Variants in TRIP12 observed in about 807,000 individuals in gnomAD.
TRIP12 encodes the protein thyroid hormone receptor interactor 12.
In TRIP12, 25 loss-of-function variants were observed where a neutral mutation model predicts 244.2. The ratio of observed to expected loss-of-function variants is 0.10; its 90% confidence interval spans 0.07 to 0.14. TRIP12 has a LOEUF of 0.14. Among genes scored for constraint, TRIP12 ranks in the 10% least tolerant of loss-of-function variants. The pLI is 1.00. For missense variants in TRIP12, 1,677 were observed against 2,486.4 expected, an observed-to-expected ratio of 0.67 and a Z score of 6.92; for synonymous variants, 905 against 873.1, an observed-to-expected ratio of 1.04 and a Z score of -0.64.
chr2:229,843,687 TCAA>T (rs2056991625), intron 4 of TRIP12, among the ~76,000 whole-genome samples: 1 of 152,118 alleles, frequency 6.6e-6, no homozygotes, highest in Non-Finnish European at 1.5e-5. Context: ...GAGACCAGCA[TCAA>T]CAACACTGTA....
intron 1 of TRIP12, among the ~76,000 whole-genome samples, chr2:229,907,740 C>T (rs1415197807): frequency 6.6e-6 from 1 of 151,960 alleles, no homozygotes; most frequent in African/African-American, 2.4e-5. Flanking sequence ...AAGTTCGAAG[C>T]TGCAGTGAGA....
chr2:229,922,597 C>T, upstream of TRIP12: 7 of 1,614,030 alleles, frequency 4.3e-6, no homozygotes, highest in Non-Finnish European at 4.2e-6. Flanking sequence ...AGTTACTGGT[C>T]ACCCGGTCTC....
chr2:229,831,873 TG>T (rs201052933), intron 6 of TRIP12, among the ~76,000 whole-genome samples: 10,174 of 135,168 alleles, frequency 0.075, 921 homozygotes, highest in African/African-American at 0.23. Context: ...AGGTTTTTTT[TG>T]TTTGTTTTTT....
rs376223742 is a variant in TRIP12 at position 229,859,267 on chromosome 2, T to G, written c.532A>C (p.Arg178=). The change falls in exon 4 of 42, where the codon AGG becomes CGG. Residue 178 remains arginine, a synonymous_variant. Transcript: ENST00000675903. ...QSPSTSKAHT[R]KSGATGGSRS... is the part of the protein sequence containing the mutation. ...GAACCGCCAGTGGCCCCACTCTTCC[T>G]GGTATGAGCCTTGCTTGTTGATGGT... 6.2e-7 allele frequency: 1 copy of G among 1,614,132 alleles called. No individual in the cohort carries two copies. The highest frequency in any genetic ancestry group is 1.3e-5 in the African/African-American group (1 of 74,942).
At chr2:229,905,274 CAAAA>C (rs371131914) in intron 1 of TRIP12, among the ~76,000 whole-genome samples, 3 of 67,248 alleles carry the variant, frequency 4.5e-5, no homozygotes, top group Non-Finnish European at 3.3e-5. Context: ...AACTCCGTCT[CAAAA>C]AAAAAAAAAA....
At chr2:229,861,298 A>G in intron 2 of TRIP12, among the ~76,000 whole-genome samples, 1 of 152,264 alleles carries the variant, frequency 6.6e-6, no homozygotes, top group South Asian at 2.1e-4. Context: ...ACATGAAAAA[A>G]CTGTTTTCAG....
chr2:229,773,904 T>C, intron 38 of TRIP12, 193 bp downstream of exon 38: 1 of 460,704 alleles, frequency 2.2e-6, no homozygotes, highest in Non-Finnish European at 3.8e-6. Flanking sequence ...CAAGGTTATA[T>C]AAGACAGGAA....
At position 229,798,996 on chromosome 2, in the gene TRIP12, T is replaced by C; in HGVS notation, c.3361A>G (p.Asn1121Asp). 1 of 1,614,222 alleles carries C rather than the reference T, an allele frequency of 6.2e-7. No homozygotes were observed. ...SPKSSFLASL[N>D]PKTWGRLSTQ... ...CTTAACCTTCCCCATGTTTTTGGAT[T>C]CAAGCTTGCCAGGAAAGAAGATTTA... is the stretch of plus-strand genomic sequence containing the variant. The change falls in exon 23 of 42, where the codon AAT (asparagine) becomes GAT (aspartate). Residue 1121 changes from asparagine (N) to aspartate (D), a missense_variant. Asn to Asp is a conservative substitution (Grantham distance 23, BLOSUM62 1). This residue lies in a region of TRIP12 where 572 missense variants were observed against 867.8 expected (regional missense o/e 0.66). Transcript: ENST00000675903.
intron 4 of TRIP12, among the ~76,000 whole-genome samples, chr2:229,842,607 A>G (rs147159322): frequency 6.6e-6 from 1 of 152,300 alleles, no homozygotes; most frequent in Admixed American, 6.5e-5. Flanking sequence ...TGCTTATAAC[A>G]AAGCACTTAA....
At chr2:229,857,404 A>G (rs1451383808) in intron 4 of TRIP12, among the ~76,000 whole-genome samples, 1 of 152,100 alleles carries the variant, frequency 6.6e-6, no homozygotes. Context: ...AGGCTGGGAC[A>G]GGTGGATCAC....
intron 1 of TRIP12, among the ~76,000 whole-genome samples, chr2:229,901,650 A>G (rs911080587): frequency 2.0e-5 from 3 of 150,766 alleles, no homozygotes; most frequent in Admixed American, 2.0e-4. Context: ...ACCGAATTTT[A>G]TTTTTACTGT....
intron 34 of TRIP12, among the ~76,000 whole-genome samples, chr2:229,783,646 T>C (rs1362144415): frequency 6.6e-6 from 1 of 152,154 alleles, no homozygotes; most frequent in East Asian, 1.9e-4. Context: ...GTACACCACA[T>C]TCATGGATCA....
At chr2:229,787,105 G>A (rs1416154776) in intron 33 of TRIP12, among the ~76,000 whole-genome samples, 1 of 152,180 alleles carries the variant, frequency 6.6e-6, no homozygotes, top group Non-Finnish European at 1.5e-5. Flanking sequence ...TAATTGGAGT[G>A]ACTTGTTAAG....
At chr2:229,810,462 T>C (rs1458668536) in intron 15 of TRIP12, among the ~76,000 whole-genome samples, 1 of 152,164 alleles carries the variant, frequency 6.6e-6, no homozygotes, top group African/African-American at 2.4e-5. Context: ...TATAAATACA[T>C]TCCTACTTTT....
intron 2 of TRIP12, among the ~76,000 whole-genome samples, chr2:229,865,486 T>C (rs1481835497): frequency 3.3e-5 from 5 of 152,152 alleles, no homozygotes; most frequent in African/African-American, 7.2e-5. Context: ...GCTTATATGA[T>C]ATGCATATAT....
chr2:229,857,116 A>G (rs1347925109), intron 4 of TRIP12, among the ~76,000 whole-genome samples: 1 of 152,228 alleles, frequency 6.6e-6, no homozygotes, highest in Non-Finnish European at 1.5e-5. Flanking sequence ...ATTCAATATG[A>G]GCTATACTTT....
intron 8 of TRIP12, among the ~76,000 whole-genome samples, chr2:229,824,771 T>A (rs1426934561): frequency 6.6e-6 from 1 of 152,216 alleles, no homozygotes; most frequent in East Asian, 1.9e-4. Flanking sequence ...ATGGATTTTT[T>A]AAAGTAAATA....
intron 1 of TRIP12, among the ~76,000 whole-genome samples, chr2:229,919,621 AAAAG>A (rs1339993185): frequency 1.3e-5 from 2 of 152,216 alleles, no homozygotes; most frequent in Admixed American, 1.3e-4. Flanking sequence ...ATGAAAAAAA[AAAAG>A]AAAAATAAAG....
chr2:229,922,091 G>A (rs1018968868), upstream of TRIP12: 21 of 163,724 alleles, frequency 1.3e-4, no homozygotes, highest in African/African-American at 3.6e-4. Context: ...TTTGTCCTCG[G>A]GCTCCGGTTA....
Sources: gnomAD v4.1 joint callset for allele counts (sites outside exome capture counted in the v4.1 genomes callset) on GRCh38, gnomAD v4.1.1 for gene constraint, gnomAD v4.1.1 regional missense constraint, MANE v1.5 for transcripts, NCBI Gene and HGNC (gene_info 2026-07-23, HGNC 2026-07-21) for gene names.